The following RAB3GAP2 variants were observed in gnomAD, a reference collection of about 807,000 sequenced individuals.
RAB3GAP2 encodes the protein rab3 GTPase-activating protein non-catalytic subunit.
RAB3GAP2 carries 87 observed loss-of-function variants against 185.3 expected under a neutral mutation model. The ratio of observed to expected loss-of-function variants is 0.47; its 90% CI spans 0.39 to 0.56. The LOEUF (loss-of-function observed/expected upper bound fraction) is 0.56, where lower values mean the gene tolerates loss of function less well. Ranked by LOEUF, RAB3GAP2 falls within the 20% of genes least tolerant of loss-of-function variation. The pLI is 0.00. For missense variants in RAB3GAP2, 1,492 were observed against 1,638.2 expected (o/e 0.91, Z 1.54); for synonymous variants, 554 against 576.1 (o/e 0.96, Z 0.55).
intron 1 of RAB3GAP2, chr1:220,267,055 G>C (rs1429695475): frequency 6.2e-7 from 1 of 1,608,586 alleles, no homozygotes; most frequent in South Asian, 1.1e-5. Context: ...GCCACAGAGA[G>C]TGGTCCTCCT....
chr1:220,213,068 A>C, intron 3 of RAB3GAP2, 100 bp from the exon 4 acceptor site: 1 of 815,572 alleles, frequency 1.2e-6, no homozygotes, highest in Non-Finnish European at 1.9e-6. Flanking sequence ...TGATTACAAA[A>C]TTTAACAGTT....
chr1:220,193,276 C>T lies in RAB3GAP2; in HGVS notation c.1234G>A (p.Asp412Asn). 6.2e-7 allele frequency: 1 copy of T among 1,613,992 alleles called. No individual in the cohort carries two copies. The highest frequency in any genetic ancestry group is 8.5e-7 in the Non-Finnish European group (1 of 1,179,946). Residue 412 changes from aspartate to asparagine, a missense_variant, in exon 13 of 35, where the codon GAT becomes AAT. This residue lies in a region of RAB3GAP2 where 681 missense variants were observed against 689.1 expected (regional missense o/e 0.99). Coordinates refer to ENST00000358951, the MANE Select transcript of RAB3GAP2 (RefSeq NM_012414.4). ...CGTATTGCAATTCCTCTAGCTACAT[C>T]CAATAAAATAACTCTGCCGAAATCA... ...TDDFGRVILL[D>N]VARGIAIRMW... is the part of the protein sequence containing the mutation.
At chr1:220,172,513 C>A in intron 22 of RAB3GAP2, 124 bp downstream of exon 22, 1 of 675,030 alleles carries the variant, frequency 1.5e-6, no homozygotes, top group South Asian at 1.8e-5. Flanking sequence ...ATAAAAGAAT[C>A]TCTACGGTGA....
rs189622727 is a variant in RAB3GAP2 at position 220,249,333 on chromosome 1, T to C, written c.116-16470A>G. Among the ~76,000 whole-genome samples, 692 of 152,256 alleles carry C rather than the reference T, an allele frequency of 4.5e-3. 2 individuals carry two copies. Among genetic ancestry groups the C allele is most frequent in the Non-Finnish European group, 7.8e-3 (529 of 68,020 alleles). The stretch of plus-strand genomic sequence containing the variant: ...AAGCTGAGGTGTTCTCGGAAGGAGA[T>C]GACAAACTTCTTGGGAACTGGAGAA... On this transcript the variant is annotated intron_variant, in intron 1 of 34. Transcript: ENST00000358951.
intron 24 of RAB3GAP2, among the ~76,000 whole-genome samples, chr1:220,168,170 G>A (rs552689781): frequency 3.9e-5 from 6 of 152,246 alleles, no homozygotes; most frequent in Admixed American, 3.9e-4. Context: ...TCAGCTCACT[G>A]CAACCTCCGC....
intron 1 of RAB3GAP2, among the ~76,000 whole-genome samples, chr1:220,262,672 C>T (rs1433624019): frequency 1.3e-5 from 2 of 152,148 alleles, no homozygotes; most frequent in Non-Finnish European, 2.9e-5. Context: ...AAACAGTATT[C>T]CATTGTGTGT....
chr1:220,255,975 A>G (rs966094077), intron 1 of RAB3GAP2, among the ~76,000 whole-genome samples: 1 of 152,160 alleles, frequency 6.6e-6, no homozygotes, highest in African/African-American at 2.4e-5. Flanking sequence ...AAGACACATA[A>G]TCATCAGATT....
At chr1:220,151,826 G>T (rs1486219029) in intron 33 of RAB3GAP2, 62 bp from the exon 34 acceptor site, 4 of 1,505,464 alleles carry the variant, frequency 2.7e-6, no homozygotes, top group Non-Finnish European at 3.7e-6. Flanking sequence ...TATTCTATAG[G>T]AAAGGGGTTG....
Position 220,157,465 on chromosome 1 carries a change from T to G in RAB3GAP2, c.3360A>C (p.Ile1120=). ...LMEADVSRDE[I]QVPVLDTEDA... is the part of the protein sequence containing the mutation. The stretch of plus-strand genomic sequence containing the variant: ...CCTCAGTATCCAGCACAGGCACCTG[T>G]ATTTCATCCCTGCTAACATCTGCCT... Residue 1120 remains isoleucine (I), a synonymous_variant, in exon 31 of 35, where the codon ATA becomes ATC. Coordinates refer to ENST00000358951, the MANE Select transcript of RAB3GAP2 (RefSeq NM_012414.4). 8 of 1,613,636 alleles carry G rather than the reference T, an allele frequency of 5.0e-6. No homozygotes were observed. The highest frequency in any genetic ancestry group is 6.8e-6 in the Non-Finnish European group (8 of 1,180,014).
At chr1:220,186,215 T>G (rs1323854671) in intron 17 of RAB3GAP2, among the ~76,000 whole-genome samples, 2 of 152,032 alleles carry the variant, frequency 1.3e-5, no homozygotes, top group Non-Finnish European at 2.9e-5. Context: ...TACCCACCCT[T>G]CCCTACCTCC....
chr1:220,191,685 G>A (rs1658623776), intron 13 of RAB3GAP2, among the ~76,000 whole-genome samples: 1 of 152,038 alleles, frequency 6.6e-6, no homozygotes, highest in Non-Finnish European at 1.5e-5. Flanking sequence ...AGGCATGGCG[G>A]CGCATGCCTG....
chr1:220,210,744 G>A, intron 6 of RAB3GAP2, 57 bp downstream of exon 6: 2 of 1,483,230 alleles, frequency 1.3e-6, no homozygotes, highest in South Asian at 1.2e-5. Context: ...TAAAGGTGAT[G>A]CATAACCAGA....
rs1197236822 is a variant in RAB3GAP2 at position 220,151,304 on chromosome 1, G to A, written c.4129C>T (p.Leu1377=). 1 of 1,614,054 alleles carries A rather than the reference G, an allele frequency of 6.2e-7. No homozygotes were observed. Among genetic ancestry groups the A allele is most frequent in the Non-Finnish European group, 8.5e-7 (1 of 1,179,976 alleles). Residue 1377 remains leucine (L), a synonymous_variant, in exon 35 of 35, where the codon CTA becomes TTA. Coordinates refer to ENST00000358951, the MANE Select transcript of RAB3GAP2 (RefSeq NM_012414.4). Reference sequence around the variant, plus strand: ...ACAGCTTCAATGAGGTGTAAGGCTAGACCATATTGCCCATGTTTTTCTGGT... The same window carrying A: ...ACAGCTTCAATGAGGTGTAAGGCTAAACCATATTGCCCATGTTTTTCTGGT... The part of the protein sequence containing the change: ...LLPEKHGQYG[L]ALHLIEAVEA...
intron 21 of RAB3GAP2, among the ~76,000 whole-genome samples, chr1:220,175,974 T>C (rs917075294): frequency 2.0e-5 from 3 of 152,188 alleles, no homozygotes; most frequent in Admixed American, 1.3e-4. Flanking sequence ...AACATAATCA[T>C]ATAATTGTAG....
chr1:220,171,171 T>G (rs1454719762), intron 23 of RAB3GAP2, 51 bp from the exon 24 acceptor site: 5 of 1,510,748 alleles, frequency 3.3e-6, no homozygotes, highest in Non-Finnish European at 4.6e-6. Flanking sequence ...GAATCAATAT[T>G]AACTTGAATG....
chr1:220,237,284 C>G (rs546260397), intron 1 of RAB3GAP2, among the ~76,000 whole-genome samples: 1 of 152,140 alleles, frequency 6.6e-6, no homozygotes, highest in South Asian at 2.1e-4. Flanking sequence ...ACAAATTATA[C>G]GGCAATTTAA....
Position 220,170,881 on chromosome 1 carries a change from C to T in RAB3GAP2, c.2806+11G>A. ...AAATGGATGCAAATGCTCAAATAAA[C>T]TTCAGCTTACCTTTTCCTCCTTCTA... On this transcript the variant is annotated intron_variant, in intron 24 of 34. Transcript: ENST00000358951. The T allele has an allele frequency of 6.2e-7, 1 of 1,603,066 alleles. No homozygotes were observed. The highest frequency in any genetic ancestry group is 8.5e-7 in the Non-Finnish European group (1 of 1,169,914).
intron 1 of RAB3GAP2, among the ~76,000 whole-genome samples, chr1:220,239,648 A>G (rs1257748332): frequency 1.3e-5 from 2 of 152,234 alleles, no homozygotes; most frequent in East Asian, 3.9e-4. Context: ...AGTTTTGATT[A>G]TGAAATAATA....
chr1:220,215,764 T>A lies in RAB3GAP2; in HGVS notation c.181-1785A>T, dbSNP rs116331447. Reference sequence around the variant, plus strand: ...CATCTATTCTCTTACAGCTTCTGGGTTTGATGTCATGTAGACTCCTACCTT... The same window carrying A: ...CATCTATTCTCTTACAGCTTCTGGGATTGATGTCATGTAGACTCCTACCTT... On this transcript the variant is annotated intron_variant, in intron 2 of 34. Coordinates refer to ENST00000358951, the MANE Select transcript of RAB3GAP2 (RefSeq NM_012414.4). Among the ~76,000 whole-genome samples the A allele has an allele frequency of 9.0e-3, 1,365 of 152,200 alleles. 24 individuals are homozygous for A. Among genetic ancestry groups the A allele is most frequent in the African/African-American group, 0.031 (1,283 of 41,530 alleles).
Sources: allele counts gnomAD v4.1 joint callset (sites outside exome capture counted in the v4.1 genomes callset), GRCh38; gene constraint gnomAD v4.1.1; regional missense constraint gnomAD v4.1.1; transcripts MANE v1.5; gene names NCBI Gene and HGNC (gene_info 2026-07-23, HGNC 2026-07-21).